NKAIN2: variants seen among roughly 807,000 people sequenced by gnomAD.
NKAIN2 encodes the protein sodium/potassium transporting ATPase interacting 2.
In NKAIN2, 14 loss-of-function variants were observed where a neutral mutation model predicts 32.6. The observed-to-expected ratio is 0.43, with a 90% CI of 0.28 to 0.67. The LOEUF is 0.67. NKAIN2 is among the 30% of genes least tolerant of loss of function. NKAIN2 has a pLI of 0.17. For synonymous variants in NKAIN2, 80 were observed against 87.2 expected, an observed-to-expected ratio of 0.92 and a Z score of 0.46; for missense variants, 198 against 258.3, an observed-to-expected ratio of 0.77 and a Z score of 1.60.
At chr6:124,316,865 C>T (rs1363493416) in intron 2 of NKAIN2, among the ~76,000 whole-genome samples, 1 of 152,052 alleles carries the variant, frequency 6.6e-6, no homozygotes, top group Admixed American at 6.6e-5. Context: ...GAATTCAGCA[C>T]CTTCTGGATT....
intron 1 of NKAIN2, among the ~76,000 whole-genome samples, chr6:124,098,884 TAATA>T (rs1026782716): frequency 1.1e-3 from 173 of 151,788 alleles, no homozygotes; most frequent in African/African-American, 4.0e-3. Context: ...AAAATAATAA[TAATA>T]ATAATAATTA....
intron 1 of NKAIN2, among the ~76,000 whole-genome samples, chr6:123,988,023 T>C (rs991844866): frequency 6.6e-6 from 1 of 152,204 alleles, no homozygotes; most frequent in Non-Finnish European, 1.5e-5. Flanking sequence ...TACTGGGATT[T>C]TAAAGCAAGG....
rs950993404 is a variant in NKAIN2 at position 124,437,339 on chromosome 6, C to T, written c.273+81992C>T. On this transcript the variant is annotated intron_variant, in intron 3 of 6. Coordinates refer to ENST00000368417, the MANE Select transcript of NKAIN2 (RefSeq NM_001040214.3). ...AGAAATATTTGAGGAATTAATGAAT[C>T]ATTGCCTTTTAGTTAAGAACATTTG... is the stretch of plus-strand genomic sequence containing the variant. 3.4e-4 allele frequency among the ~76,000 whole-genome samples: 52 copies of T among 152,178 alleles called. 1 individual carries two copies. The highest frequency in any genetic ancestry group is 2.2e-4 in the Non-Finnish European group (15 of 68,024).
At chr6:124,323,985 G>C (rs1431279863) in intron 2 of NKAIN2, among the ~76,000 whole-genome samples, 1 of 151,708 alleles carries the variant, frequency 6.6e-6, no homozygotes, top group Admixed American at 6.6e-5. Flanking sequence ...TGGTGACGGG[G>C]TTACACCGTG....
intron 3 of NKAIN2, among the ~76,000 whole-genome samples, chr6:124,632,465 A>ATTGT (rs962432276): frequency 7.3e-5 from 11 of 150,710 alleles, no homozygotes; most frequent in South Asian, 2.1e-4. Context: ...AAATGATTGA[A>ATTGT]TTGTTTGTTT....
intron 3 of NKAIN2, among the ~76,000 whole-genome samples, chr6:124,372,869 A>G (rs1443771883): frequency 1.3e-5 from 2 of 152,188 alleles, no homozygotes; most frequent in African/African-American, 4.8e-5. Flanking sequence ...CTCACATTTG[A>G]TTGAACTTAA....
At chr6:124,680,796 CA>C (rs1177620897) in intron 4 of NKAIN2, among the ~76,000 whole-genome samples, 2 of 151,828 alleles carry the variant, frequency 1.3e-5, no homozygotes, top group Non-Finnish European at 2.9e-5. Flanking sequence ...GAATTGTAAG[CA>C]AATTTTAAAG....
intron 4 of NKAIN2, among the ~76,000 whole-genome samples, chr6:124,705,404 A>C (rs549899783): frequency 1.4e-3 from 209 of 151,650 alleles, no homozygotes; most frequent in African/African-American, 5.0e-3. Context: ...CAGAAAATGC[A>C]GAAATTCCCA....
intron 1 of NKAIN2, among the ~76,000 whole-genome samples, chr6:124,090,668 T>C (rs77357050): frequency 0.019 from 2,954 of 152,088 alleles, 87 homozygotes; most frequent in African/African-American, 0.065. Flanking sequence ...ACTAAACAAA[T>C]TACTTTACTT....
chr6:124,258,062 G>A (rs749374684), intron 1 of NKAIN2, among the ~76,000 whole-genome samples: 3 of 151,776 alleles, frequency 2.0e-5, no homozygotes, highest in African/African-American at 4.8e-5. Flanking sequence ...TTACAGGTGT[G>A]AGCCACCGTG....
intron 2 of NKAIN2, among the ~76,000 whole-genome samples, chr6:124,300,874 A>G (rs1304531166): frequency 1.3e-5 from 2 of 152,172 alleles, no homozygotes; most frequent in African/African-American, 4.8e-5. Context: ...GAGAAAGAAG[A>G]GCATAAAAAT....
At chr6:124,145,488 T>C (rs1430603597) in intron 1 of NKAIN2, among the ~76,000 whole-genome samples, 1 of 132,378 alleles carries the variant, frequency 7.6e-6, no homozygotes, top group Non-Finnish European at 1.7e-5. Flanking sequence ...ACTGACAAAC[T>C]TTTTTTGTTT....
At chr6:124,644,162 A>G (rs1451573045) in intron 3 of NKAIN2, among the ~76,000 whole-genome samples, 3 of 152,208 alleles carry the variant, frequency 2.0e-5, no homozygotes, top group African/African-American at 7.2e-5. Flanking sequence ...TTTTGAAGAA[A>G]TGACATGACT....
chr6:124,628,048 C>CAT (rs1422562630), intron 3 of NKAIN2, among the ~76,000 whole-genome samples: 1 of 152,198 alleles, frequency 6.6e-6, no homozygotes, highest in Non-Finnish European at 1.5e-5. Context: ...CACACTTTCA[C>CAT]ACACATACAC....
At chr6:124,058,538 C>T (rs1782775268) in intron 1 of NKAIN2, among the ~76,000 whole-genome samples, 1 of 151,992 alleles carries the variant, frequency 6.6e-6, no homozygotes, top group South Asian at 2.1e-4. Flanking sequence ...GTAGGCACCT[C>T]ATAGGCTTGT....
chr6:124,703,586 A>T (rs1774906865), intron 4 of NKAIN2, among the ~76,000 whole-genome samples: 1 of 152,050 alleles, frequency 6.6e-6, no homozygotes, highest in African/African-American at 2.4e-5. Context: ...AGATACCCAG[A>T]AGATTGTACA....
chr6:124,702,198 A>T (rs1487606597), intron 4 of NKAIN2, among the ~76,000 whole-genome samples: 1 of 152,134 alleles, frequency 6.6e-6, no homozygotes. Flanking sequence ...TTCCAACTCC[A>T]TTAGAATCCT....
intron 3 of NKAIN2, among the ~76,000 whole-genome samples, chr6:124,387,224 G>C (rs1772938552): frequency 6.6e-6 from 1 of 151,584 alleles, no homozygotes; most frequent in South Asian, 2.1e-4. Context: ...ATAGAAAAAT[G>C]ATAAGCAAGC....
At chr6:124,109,629 G>C (rs1210747860) in intron 1 of NKAIN2, among the ~76,000 whole-genome samples, 1 of 152,014 alleles carries the variant, frequency 6.6e-6, no homozygotes, top group Non-Finnish European at 1.5e-5. Context: ...GCTCTGGAGA[G>C]AACTTCTAGT....
Sources: allele counts gnomAD v4.1 joint callset (sites outside exome capture counted in the v4.1 genomes callset), GRCh38; gene constraint gnomAD v4.1.1; transcripts MANE v1.5; gene names NCBI Gene and HGNC (gene_info 2026-07-23, HGNC 2026-07-21).